Variants in FBXO46 observed in about 807,000 individuals in gnomAD.
The protein encoded by FBXO46 is F-box protein 46, also known as F-box only protein 46.
Under a neutral mutation model 30.7 loss-of-function variants are expected in FBXO46, and 13 were observed. The observed-to-expected ratio is 0.42, with a 90% CI of 0.28 to 0.67. The LOEUF (loss-of-function observed/expected upper bound fraction) is 0.67. FBXO46 is among the 30% of genes least tolerant of loss of function. The pLI, the probability that FBXO46 is intolerant of heterozygous loss-of-function variation, is 0.21. For missense variants in FBXO46, 754 were observed against 871.5 expected (o/e 0.87, Z 1.70); for synonymous variants, 467 against 385.8 (o/e 1.21, Z -2.47).
Position 45,727,694 on chromosome 19 carries a change from A to T in FBXO46, c.-79+3155T>A, listed in dbSNP as rs190091828. ...TGTTTTCAACCATAAGCTTACTATC[A>T]CAGCCAATGAATTAAGCCCAGAAAG... On this transcript the variant is annotated intron_variant, in intron 1 of 1. Transcript: ENST00000317683. Among the ~76,000 whole-genome samples, 6 of 152,282 alleles carry T rather than the reference A, an allele frequency of 3.9e-5. No individual in the cohort carries two copies. In the East Asian group the frequency reaches 1.2e-3, roughly 29 times the overall value.
At chr19:45,731,382 TTTC>T (rs1334311301), upstream of FBXO46, among the ~76,000 whole-genome samples, 1 of 151,022 alleles carries the variant, frequency 6.6e-6, no homozygotes, top group African/African-American at 2.4e-5. Flanking sequence ...AGTGGCGCAA[TTTC>T]GGCTCACTGC....
At chr19:45,729,292 G>A (rs1968278470) in intron 1 of FBXO46, among the ~76,000 whole-genome samples, 1 of 151,906 alleles carries the variant, frequency 6.6e-6, no homozygotes, top group Non-Finnish European at 1.5e-5. Context: ...TAGCCAGGGC[G>A]TGGTGGCACA....
Position 45,711,920 on chromosome 19 carries a change from G to C in FBXO46, c.1576C>G (p.Arg526Gly), listed in dbSNP as rs751530015. The C allele has an allele frequency of 6.2e-7, 1 of 1,613,440 alleles. No individual in the cohort carries two copies. Among genetic ancestry groups the C allele is most frequent in the African/African-American group, 1.3e-5 (1 of 74,934 alleles). The change falls in exon 2 of 2, where the codon CGC (arginine) becomes GGC (glycine). Residue 526 changes from arginine to glycine, a missense_variant. This residue lies in a region of FBXO46 where 162 missense variants were observed against 258.7 expected (regional missense o/e 0.63). Transcript: ENST00000317683. ...CGGCACTGTTTGCACGGATCATCGCGGTAGAGCGGGTCTCGGCTCCAGCGC... is the reference window on the plus strand; with the variant it reads ...CGGCACTGTTTGCACGGATCATCGCCGTAGAGCGGGTCTCGGCTCCAGCGC... ...DSRWSRDPLYRDDPCKQCRKR... is the reference protein window; with the variant it reads ...DSRWSRDPLYGDDPCKQCRKR...
Position 45,711,873 on chromosome 19 carries a change from G to A in FBXO46, c.1623C>T (p.Asp541=), listed in dbSNP as rs369063491. The A allele has an allele frequency of 2.2e-5, 35 of 1,613,628 alleles. No homozygotes were observed. The highest frequency in any genetic ancestry group is 6.7e-5 in the African/African-American group (5 of 74,920). Residue 541 remains aspartate, a synonymous_variant, in exon 2 of 2, where the codon GAC becomes GAT. Transcript: ENST00000317683. ...TGGGGTGCCAGCGGCAGAGCGACAC[G>A]TCGCCCTTCTCGTATCTCTTGCGGC... ...KQCRKRYEKG[D]VSLCRWHPKP...
intron 1 of FBXO46, among the ~76,000 whole-genome samples, chr19:45,721,451 C>G (rs991162042): frequency 2.0e-5 from 3 of 152,068 alleles, no homozygotes; most frequent in East Asian, 1.9e-4. Flanking sequence ...CAGATGACCC[C>G]GCTCCCCATC....
At chr19:45,732,932 C>T (rs2146167886), upstream of FBXO46, among the ~76,000 whole-genome samples, 1 of 152,152 alleles carries the variant, frequency 6.6e-6, no homozygotes, top group South Asian at 2.1e-4. Context: ...GTTCCCGTCT[C>T]ACCGGATTCT....
Position 45,712,537 on chromosome 19 carries a change from G to T in FBXO46, c.959C>A (p.Pro320His). 1.9e-6 allele frequency: 3 copies of T among 1,600,486 alleles called. No homozygotes were observed. The highest frequency in any genetic ancestry group is 2.6e-6 in the Non-Finnish European group (3 of 1,172,478). Reference protein sequence around the residue: ...QLISPSRDALPSNVEFLLARA... With the variant: ...QLISPSRDALHSNVEFLLARA... Reference sequence around the variant, plus strand: ...GGCCAGCAGGAACTCCACGTTGCTGGGGAGGGCATCCCGCGAGGGGCTGAT... The same window carrying T: ...GGCCAGCAGGAACTCCACGTTGCTGTGGAGGGCATCCCGCGAGGGGCTGAT... Residue 320 changes from proline (P) to histidine (H), a missense_variant, in exon 2 of 2, where the codon CCC becomes CAC. This residue lies in a region of FBXO46 where 454 missense variants were observed against 426.5 expected (regional missense o/e 1.06). Transcript: ENST00000317683. The surrounding 1 kb of genome is among the most constrained non-coding windows in gnomAD (Gnocchi z 8.8).
intron 1 of FBXO46, among the ~76,000 whole-genome samples, chr19:45,722,761 C>CAAA (rs35706964): frequency 7.3e-6 from 1 of 136,438 alleles, no homozygotes; most frequent in African/African-American, 2.7e-5. Context: ...GACTCCGTCT[C>CAAA]AAAAAAAAAA....
rs933444856 is a variant in FBXO46 at position 45,718,511 on chromosome 19, G to C, written c.-78-4938C>G. ...TTGCTGTCTATTCCTCAAAGTTACCGGGCTCTTGCCTTCCCTGGTCTCTGC... is the reference window on the plus strand; with the variant it reads ...TTGCTGTCTATTCCTCAAAGTTACCCGGCTCTTGCCTTCCCTGGTCTCTGC... On this transcript the variant is annotated intron_variant, in intron 1 of 1. Coordinates refer to ENST00000317683, the MANE Select transcript of FBXO46 (RefSeq NM_001080469.2). 1.7e-4 allele frequency among the ~76,000 whole-genome samples: 26 copies of C among 152,140 alleles called. No individual in the cohort carries two copies. The South Asian group carries it at 5.4e-3, about 32-fold the overall frequency.
At chr19:45,732,708 A>G (rs1968340832), upstream of FBXO46, among the ~76,000 whole-genome samples, 1 of 146,396 alleles carries the variant, frequency 6.8e-6, no homozygotes, top group Admixed American at 7.1e-5. Context: ...CTCCTGCCTC[A>G]GCCTCTGGAG....
rs1967949844 is a variant in FBXO46 at position 45,711,042 on chromosome 19, CCT to C, written c.*640_*641del. Reference sequence around the variant, plus strand: ...CTTCAGCTTTTTTTTTGTCTGCCCCCCTCTTCCTCTACGCGGAAGAGGAGAGA... The same window carrying C: ...CTTCAGCTTTTTTTTTGTCTGCCCCCCTTCCTCTACGCGGAAGAGGAGAGA... On this transcript the variant is annotated 3_prime_UTR_variant, in exon 2 of 2. Transcript: ENST00000317683. 4.0e-6 allele frequency: 1 copy of C among 251,924 alleles called. No homozygotes were observed. Among genetic ancestry groups the C allele is most frequent in the Non-Finnish European group, 7.9e-6 (1 of 127,322 alleles). 15.6% of individuals were successfully genotyped at this position (251,924 alleles called of 1,614,324 possible).
chr19:45,713,303 G>A lies in FBXO46; in HGVS notation c.193C>T (p.Pro65Ser). Residue 65 changes from proline to serine, a missense_variant, in exon 2 of 2, where the codon CCT (proline) becomes TCT (serine). Physicochemically the swap from Pro to Ser is moderately conservative, Grantham distance 74. This residue lies in a region of FBXO46 where 97 missense variants were observed against 113.0 expected (regional missense o/e 0.86). Transcript: ENST00000317683. The surrounding 1 kb of genome is among the most constrained non-coding windows in gnomAD (Gnocchi z 4.7). ...NTPPALATEV[P>S]ASQPAPLLSA... ...AGGAGCGGAGCCGGCTGGGAGGCAG[G>A]GACCTCAGTGGCCAAGGCGGGTGGT... 6.2e-7 allele frequency: 1 copy of A among 1,613,644 alleles called. No individual in the cohort carries two copies. The highest frequency in any genetic ancestry group is 1.1e-5 in the South Asian group (1 of 91,062).
At position 45,712,163 on chromosome 19, in the gene FBXO46, G is replaced by C; in HGVS notation, c.1333C>G (p.Leu445Val). 6.3e-7 allele frequency: 1 copy of C among 1,598,180 alleles called. No homozygotes were observed. Among genetic ancestry groups the C allele is most frequent in the Non-Finnish European group, 8.5e-7 (1 of 1,173,016 alleles). ...DDAEGTADTS[L>V]CRLYRHVSHD... ...GACACGTGCCGGTACAAGCGGCACAGGGAGGTGTCCGCCGTGCCCTCGGCA... is the reference window on the plus strand; with the variant it reads ...GACACGTGCCGGTACAAGCGGCACACGGAGGTGTCCGCCGTGCCCTCGGCA... The change falls in exon 2 of 2, where the codon CTG (leucine) becomes GTG (valine). Residue 445 changes from leucine to valine, a missense_variant. Transcript: ENST00000317683. The surrounding 1 kb of genome is among the most constrained non-coding windows in gnomAD (Gnocchi z 8.8).
In FBXO46 at chr19:45,713,332, TTC is replaced by T. The variant is rs1331264796; in HGVS notation, c.162_163del (p.Asn55HisfsTer8). ...CTCAGTGGCCAAGGCGGGTGGTGTG[TTC>T]TCTGAGTGGGCAGGCCCATGGTCTG... On this transcript the variant is annotated frameshift_variant, in exon 2 of 2. Transcript: ENST00000317683. LOFTEE classifies it high-confidence loss of function. The surrounding 1 kb of genome is among the most constrained non-coding windows in gnomAD (Gnocchi z 4.7). The T allele has an allele frequency of 2.5e-6, 4 of 1,612,988 alleles. No individual in the cohort carries two copies. Among genetic ancestry groups the T allele is most frequent in the Non-Finnish European group, 3.4e-6 (4 of 1,179,566 alleles).
chr19:45,720,347 G>A (rs922191413), intron 1 of FBXO46, among the ~76,000 whole-genome samples: 1 of 152,116 alleles, frequency 6.6e-6, no homozygotes, highest in African/African-American at 2.4e-5. Context: ...GGCCAGACTG[G>A]TCTCGAACTC....
chr19:45,719,762 G>A (rs1968145800), intron 1 of FBXO46, among the ~76,000 whole-genome samples: 1 of 152,164 alleles, frequency 6.6e-6, no homozygotes, highest in Non-Finnish European at 1.5e-5. Context: ...GAGCTCCCCA[G>A]GAATGGCTCA....
Position 45,713,927 on chromosome 19 carries a change from C to T in FBXO46, c.-78-354G>A, listed in dbSNP as rs184627617. Among the ~76,000 whole-genome samples the T allele has an allele frequency of 2.7e-3, 380 of 140,004 alleles. 1 individual carries two copies. The highest frequency in any genetic ancestry group is 3.4e-3 in the Non-Finnish European group (228 of 66,366). 91.8% of individuals were successfully genotyped at this position (140,004 alleles called of 152,430 possible). A position where few individuals can be genotyped will look rare whatever the true frequency, so the allele number is the denominator to read the frequency against. On this transcript the variant is annotated intron_variant, in intron 1 of 1. Coordinates refer to ENST00000317683, the MANE Select transcript of FBXO46 (RefSeq NM_001080469.2). The surrounding 1 kb of genome is among the most constrained non-coding windows in gnomAD (Gnocchi z 4.7). ...AGGTTGCAGCGAGACCAGATGGCAC[C>T]ATTACACTCCAGCCTGGGCGACAAG...
rs921102665 is a variant in FBXO46, at chr19:45,713,705, C to T, written c.-78-132G>A. On this transcript the variant is annotated intron_variant, in intron 1 of 1. Coordinates refer to ENST00000317683, the MANE Select transcript of FBXO46 (RefSeq NM_001080469.2). This position sits in a 1 kb window ranked among gnomAD's most constrained non-coding sequence, Gnocchi z 4.7. ...ATTCCTGGCTGGGCGCGGTGGCTCA[C>T]GCCTGTAATCCCAGCACTTTGGGAG... 3.1e-5 allele frequency: 15 copies of T among 482,392 alleles called. No homozygotes were observed. Among genetic ancestry groups the T allele is most frequent in the Non-Finnish European group, 4.1e-5 (11 of 270,622 alleles). 29.9% of individuals were successfully genotyped at this position (482,392 alleles called of 1,614,324 possible). A position where few individuals can be genotyped will look rare whatever the true frequency, so the allele number is the denominator to read the frequency against.
At chr19:45,717,171 G>C (rs955997914) in intron 1 of FBXO46, 1 of 151,544 alleles carries the variant, frequency 6.6e-6, no homozygotes, top group Non-Finnish European at 1.5e-5. Context: ...AATGGAAAAG[G>C]AACCCCCAAA....
Sources: allele counts gnomAD v4.1 joint callset (sites outside exome capture counted in the v4.1 genomes callset), GRCh38; gene constraint gnomAD v4.1.1; regional missense constraint gnomAD v4.1.1; non-coding constraint Gnocchi (gnomAD v3.1); transcripts MANE v1.5; gene names NCBI Gene and HGNC (gene_info 2026-07-23, HGNC 2026-07-21).